ALKBH8: variants seen among roughly 807,000 people sequenced by gnomAD.
The protein encoded by ALKBH8 is tRNA (carboxymethyluridine(34)-5-O)-methyltransferase ALKBH8.
In ALKBH8, 36 loss-of-function variants were observed where a neutral mutation model predicts 59.8. That is an observed-to-expected ratio of 0.60 (90% CI 0.46 to 0.79). The LOEUF (loss-of-function observed/expected upper bound fraction) is 0.79. Ranked by LOEUF, ALKBH8 falls within the 30% of genes least tolerant of loss-of-function variation. The pLI is 0.00. For missense variants in ALKBH8, 768 were observed against 801.0 expected, an observed-to-expected ratio of 0.96 and a Z score of 0.50; for synonymous variants, 276 against 273.6, an observed-to-expected ratio of 1.01 and a Z score of -0.09.
At position 107,553,888 on chromosome 11, in the gene ALKBH8, A is replaced by C; in HGVS notation, c.458T>G (p.Leu153Trp). 1 of 1,613,786 alleles carries C rather than the reference A, an allele frequency of 6.2e-7. No homozygotes were observed. Among genetic ancestry groups the C allele is most frequent in the Non-Finnish European group, 8.5e-7 (1 of 1,179,800 alleles). Reference protein sequence around the residue: ...IISSEEEKMLLESVDWTEDTD... With the variant: ...IISSEEEKMLWESVDWTEDTD... The stretch of plus-strand genomic sequence containing the variant: ...ATCTTCTGTCCAATCAACACTTTCC[A>C]AAAGCATTTTCTCCTCCTCAGAAGA... Residue 153 changes from leucine (L) to tryptophan (W), a missense_variant, in exon 4 of 12, where the codon TTG (leucine) becomes TGG (tryptophan). Transcript: ENST00000428149.
At chr11:107,518,986 T>C (rs985055204) in intron 10 of ALKBH8, among the ~76,000 whole-genome samples, 1 of 152,180 alleles carries the variant, frequency 6.6e-6, no homozygotes, top group African/African-American at 2.4e-5. Context: ...TTTTGTTTTT[T>C]AGGAGATGTG....
At chr11:107,508,086 T>C (rs1391233898) in intron 11 of ALKBH8, among the ~76,000 whole-genome samples, 1 of 152,026 alleles carries the variant, frequency 6.6e-6, no homozygotes, top group Non-Finnish European at 1.5e-5. Context: ...TCCACTAAAC[T>C]ATGAGCTCTA....
In ALKBH8 at chr11:107,505,165, A is replaced by G. The variant is rs1202325304; in HGVS notation, c.1488T>C (p.Gly496=). 5 of 1,550,280 alleles carry G rather than the reference A, an allele frequency of 3.2e-6. No individual in the cohort carries two copies. The highest frequency in any genetic ancestry group is 2.0e-5 in the Admixed American group (1 of 50,926). The change falls in exon 12 of 12, where the codon GGT becomes GGC. Residue 496 remains glycine, a synonymous_variant. Transcript: ENST00000428149. ...CCCAGACATAAATGAGTGCCTTCCC[A>G]CCTGGTCTCAGGAGTCGAACAATTT... is the stretch of plus-strand genomic sequence containing the variant. ...LQEIVRLLRP[G]GKALIYVWAM... is the part of the protein sequence containing the mutation.
intron 7 of ALKBH8, among the ~76,000 whole-genome samples, chr11:107,547,793 G>A (rs537197469): frequency 6.6e-6 from 1 of 152,234 alleles, no homozygotes; most frequent in East Asian, 1.9e-4. Context: ...ACACTTTCCA[G>A]CCATTACAAA....
At position 107,510,942 on chromosome 11, in the gene ALKBH8, C is replaced by T; in HGVS notation, c.1382G>A (p.Ser461Asn). ...GGAGATGCAGGCATCACAAGACCCACTGCGGACTGGTACTGCCAATGCATC... is the reference window on the plus strand; with the variant it reads ...GGAGATGCAGGCATCACAAGACCCATTGCGGACTGGTACTGCCAATGCATC... ...VCDALAVPVR[S>N]GSCDACISIA... Residue 461 changes from serine to asparagine, a missense_variant, in exon 11 of 12, where the codon AGT becomes AAT. Coordinates refer to ENST00000428149, the MANE Select transcript of ALKBH8 (RefSeq NM_138775.3). 4 of 1,551,782 alleles carry T rather than the reference C, an allele frequency of 2.6e-6. No individual in the cohort carries two copies. Among genetic ancestry groups the T allele is most frequent in the Non-Finnish European group, 3.5e-6 (4 of 1,146,966 alleles).
chr11:107,565,220 C>G (rs1325492054), intron 1 of ALKBH8: 2 of 257,690 alleles, frequency 7.8e-6, no homozygotes, highest in East Asian at 1.9e-4. Context: ...CTCAGCTGCG[C>G]AAGGGATCAG....
chr11:107,556,826 T>C lies in ALKBH8; in HGVS notation c.307A>G (p.Lys103Glu). The change falls in exon 3 of 12, where the codon AAA (lysine) becomes GAA (glutamate). Residue 103 changes from lysine to glutamate, a missense_variant. By Grantham distance (56) the Lys-to-Glu change is moderately conservative (BLOSUM62 1). Coordinates refer to ENST00000428149, the MANE Select transcript of ALKBH8 (RefSeq NM_138775.3). Reference protein sequence around the residue: ...SKRAYVTLNGKEVVDDLGQKI... With the variant: ...SKRAYVTLNGEEVVDDLGQKI... ...TGTCCTAAATCATCCACTACTTCTT[T>C]TCCATTGAGGGTAACATAGGCTCTC... 6.6e-7 allele frequency: 1 copy of C among 1,521,008 alleles called. No homozygotes were observed. The highest frequency in any genetic ancestry group is 8.8e-7 in the Non-Finnish European group (1 of 1,132,760). The allele number at this position is 1,521,008 out of a possible 1,614,324, so 94.2% of individuals were successfully genotyped here.
intron 7 of ALKBH8, among the ~76,000 whole-genome samples, chr11:107,546,556 G>A (rs1418076335): frequency 6.6e-6 from 1 of 152,094 alleles, no homozygotes; most frequent in East Asian, 1.9e-4. Context: ...GAAATTGGTT[G>A]GTTCCTTGAT....
intron 10 of ALKBH8, among the ~76,000 whole-genome samples, chr11:107,514,494 T>C (rs2135481959): frequency 6.6e-6 from 1 of 152,332 alleles, no homozygotes; most frequent in African/African-American, 2.4e-5. Flanking sequence ...TATTTATCTT[T>C]AATATATTTT....
At chr11:107,551,129 C>A (rs1402061294) in intron 6 of ALKBH8, among the ~76,000 whole-genome samples, 2 of 152,168 alleles carry the variant, frequency 1.3e-5, no homozygotes, top group Admixed American at 1.3e-4. Flanking sequence ...GAAAGATCAT[C>A]CAACCAATCA....
intron 6 of ALKBH8, among the ~76,000 whole-genome samples, chr11:107,550,907 T>G (rs888004163): frequency 1.3e-5 from 2 of 152,192 alleles, no homozygotes; most frequent in Non-Finnish European, 2.9e-5. Context: ...ACCAGCACCT[T>G]GATCTTGAAC....
intron 11 of ALKBH8, among the ~76,000 whole-genome samples, chr11:107,505,926 G>T (rs1020412655): frequency 1.2e-4 from 18 of 152,226 alleles, no homozygotes; most frequent in African/African-American, 4.3e-4. Flanking sequence ...AGATAAAGGA[G>T]AAGCTGCAGG....
intron 7 of ALKBH8, among the ~76,000 whole-genome samples, chr11:107,539,066 G>A (rs936717708): frequency 1.3e-5 from 2 of 152,192 alleles, no homozygotes; most frequent in African/African-American, 4.8e-5. Context: ...CCCAAATGAA[G>A]TAAGAGTTTC....
At chr11:107,535,385 T>A (rs779934647) in intron 7 of ALKBH8, among the ~76,000 whole-genome samples, 1 of 152,220 alleles carries the variant, frequency 6.6e-6, no homozygotes, top group African/African-American at 2.4e-5. Context: ...TGTAAAAGTG[T>A]TCCCTTTTTT....
chr11:107,505,008 C>A lies in ALKBH8; in HGVS notation c.1645G>T (p.Gly549Cys). 6.4e-7 allele frequency: 1 copy of A among 1,551,688 alleles called. No individual in the cohort carries two copies. The highest frequency in any genetic ancestry group is 2.4e-5 in the East Asian group (1 of 40,914). ...ACAGAAGATGCCGAGTCTCGACTGC[C>A]CATGTCACGCATTTGCTCCACAAGT... ...RSLVEQMRDM[G>C]SRDSASSVPR... The change falls in exon 12 of 12, where the codon GGC becomes TGC. Residue 549 changes from glycine (G) to cysteine (C), a missense_variant. Transcript: ENST00000428149.
chr11:107,556,793 T>C lies in ALKBH8; in HGVS notation c.340A>G (p.Thr114Ala). 7.1e-7 allele frequency: 1 copy of C among 1,411,876 alleles called. No homozygotes were observed. The highest frequency in any genetic ancestry group is 9.3e-7 in the Non-Finnish European group (1 of 1,073,328). The allele number at this position is 1,411,876 out of a possible 1,614,324, so 87.5% of individuals were successfully genotyped here. ...TTTTCCACAAAATTCAAATACAGAG[T>C]GATCTTTTGTCCTAAATCATCCACT... ...EVVDDLGQKI[T>A]LYLNFVEKVQ... Residue 114 changes from threonine to alanine, a missense_variant, in exon 3 of 12, where the codon ACT becomes GCT. Thr to Ala is a moderately conservative substitution (Grantham distance 58). Coordinates refer to ENST00000428149, the MANE Select transcript of ALKBH8 (RefSeq NM_138775.3).
Position 107,503,315 on chromosome 11 carries a change from C to CT in ALKBH8, c.*1342dup, listed in dbSNP as rs1862250255. 6.6e-6 allele frequency: 1 copy of CT among 152,176 alleles called. No individual in the cohort carries two copies. The highest frequency in any genetic ancestry group is 1.5e-5 in the Non-Finnish European group (1 of 68,034). 9.4% of individuals were successfully genotyped at this position (152,176 alleles called of 1,614,324 possible). A position where few individuals can be genotyped will look rare whatever the true frequency, so the allele number is the denominator to read the frequency against. On this transcript the variant is annotated 3_prime_UTR_variant, in exon 12 of 12. Transcript: ENST00000428149. ...ATGAAAAAAATAATCATCCTCTCAT[C>CT]TGAGACCCATTATTGATCACTATAG...
intron 10 of ALKBH8, among the ~76,000 whole-genome samples, chr11:107,518,504 T>C (rs1015678283): frequency 6.6e-6 from 1 of 152,200 alleles, no homozygotes; most frequent in Non-Finnish European, 1.5e-5. Context: ...ATGATGGCCA[T>C]TATGCCCATG....
chr11:107,540,469 C>G lies in ALKBH8; in HGVS notation c.772-8063G>C, dbSNP rs1424154819. On this transcript the variant is annotated intron_variant, in intron 7 of 11. Coordinates refer to ENST00000428149, the MANE Select transcript of ALKBH8 (RefSeq NM_138775.3). ...CTGGCTAACGGTCTAGACACACTGT[C>G]AAATGTTACAATACAGAACAAAATA... 2.0e-5 allele frequency among the ~76,000 whole-genome samples: 3 copies of G among 152,274 alleles called. No homozygotes were observed. In the East Asian group the frequency reaches 5.8e-4, roughly 29 times the overall value.
Sources: allele counts gnomAD v4.1 joint callset (sites outside exome capture counted in the v4.1 genomes callset), GRCh38; gene constraint gnomAD v4.1.1; transcripts MANE v1.5; gene names NCBI Gene and HGNC (gene_info 2026-07-23, HGNC 2026-07-21).